The following SACS variants were observed in gnomAD, a reference collection of about 807,000 sequenced individuals.
SACS encodes sacsin.
In SACS, 197 loss-of-function variants were observed where a neutral mutation model predicts 348.0. The observed-to-expected ratio is 0.57, with a 90% CI of 0.50 to 0.64. The LOEUF (loss-of-function observed/expected upper bound fraction) is 0.64, where lower values mean the gene tolerates loss of function less well. Ranked by LOEUF, SACS falls within the 30% of genes least tolerant of loss-of-function variation. SACS has a pLI of 0.00. For missense variants in SACS, 4,999 were observed against 5,360.8 expected (o/e 0.93, Z 2.11); for synonymous variants, 1,985 against 1,910.6 (o/e 1.04, Z -1.02).
intron 2 of SACS, among the ~76,000 whole-genome samples, chr13:23,410,771 T>C (rs1873448273): frequency 6.6e-6 from 1 of 152,154 alleles, no homozygotes; most frequent in Non-Finnish European, 1.5e-5. Flanking sequence ...AGAGCAAGCA[T>C]TATATTTTGT....
chr13:23,399,018 T>TAAAAAAAAAAAA (rs1412543149), intron 2 of SACS, among the ~76,000 whole-genome samples: 2 of 18,950 alleles, frequency 1.1e-4, no homozygotes, highest in Non-Finnish European at 1.8e-4. Context: ...AGACTCCATC[T>TAAAAAAAAAAAA]CAAAAAAAAA....
rs886921776 is a variant in SACS at position 23,335,468 on chromosome 13, G to C, written c.8408C>G (p.Thr2803Ser). The C allele has an allele frequency of 1.1e-5, 17 of 1,613,630 alleles. No individual in the cohort carries two copies. Among genetic ancestry groups the C allele is most frequent in the Non-Finnish European group, 1.4e-5 (16 of 1,179,834 alleles). ...QLKDIPVQQI[T>S]YTMDTEDSEG... ...AGAGTCCTCAGTATCCATAGTATAG[G>C]TTATTTGTTGAACTGGTATGTCTTT... The change falls in exon 10 of 10, where the codon ACC becomes AGC. Residue 2803 changes from threonine to serine, a missense_variant. Thr to Ser is a moderately conservative substitution (Grantham distance 58). Around this residue, in one of 6 missense-constraint regions of SACS, gnomAD observed 3,156 missense variants for 3,380.1 expected, o/e 0.93. Transcript: ENST00000382292. This position sits in a 1 kb window ranked among gnomAD's most constrained non-coding sequence, Gnocchi z 4.7.
intron 1 of SACS, among the ~76,000 whole-genome samples, chr13:23,425,311 G>T (rs1593185357): frequency 6.6e-6 from 1 of 151,666 alleles, no homozygotes; most frequent in African/African-American, 2.4e-5. Context: ...ATGTACCTGG[G>T]ACCTTGTGTC....
chr13:23,356,951 C>T (rs1870429500), intron 7 of SACS, among the ~76,000 whole-genome samples: 1 of 152,198 alleles, frequency 6.6e-6, no homozygotes, highest in South Asian at 2.1e-4. Context: ...ACAGTGGGGT[C>T]TAGGGAATGC....
chr13:23,365,029 A>C, intron 6 of SACS, 137 bp downstream of exon 6: 3 of 603,860 alleles, frequency 5.0e-6, no homozygotes, highest in Non-Finnish European at 8.7e-6. Context: ...AAAGCAGAGA[A>C]AAACATCTGA....
chr13:23,405,798 C>T (rs1873179250), intron 2 of SACS, among the ~76,000 whole-genome samples: 3 of 152,088 alleles, frequency 2.0e-5, no homozygotes. Context: ...AAAAGCTCAT[C>T]ACTAGCCATT....
rs777856457 is a variant in SACS at position 23,341,608 on chromosome 13, A to G, written c.2268T>C (p.Pro756=). 3 of 1,613,912 alleles carry G rather than the reference A, an allele frequency of 1.9e-6. No individual in the cohort carries two copies. Among genetic ancestry groups the G allele is most frequent in the Non-Finnish European group, 2.5e-6 (3 of 1,179,978 alleles). ...LIKEVMNTFW[P]GRELIVQWYP... ...ACCATTGAACAATCAATTCTCTGCC[A>G]GGCCAGAATGTATTCATTACTTCCT... The change falls in exon 10 of 10, where the codon CCT becomes CCC. Residue 756 remains proline, a synonymous_variant. Coordinates refer to ENST00000382292, the MANE Select transcript of SACS (RefSeq NM_014363.6).
At chr13:23,392,743 C>A (rs143662282) in intron 2 of SACS, among the ~76,000 whole-genome samples, 1 of 152,068 alleles carries the variant, frequency 6.6e-6, no homozygotes, top group African/African-American at 2.4e-5. Flanking sequence ...CTAAAGGAGG[C>A]GGAAGGATAT....
At position 23,329,754 on chromosome 13, in the gene SACS, C is replaced by CA. The variant is rs530397223; in HGVS notation, c.*381dup. 83 of 487,948 alleles carry CA rather than the reference C, an allele frequency of 1.7e-4. No individual in the cohort carries two copies. Among genetic ancestry groups the CA allele is most frequent in the African/African-American group, 1.4e-3 (70 of 50,956 alleles). The allele number at this position is 487,948 out of a possible 1,614,324, so 30.2% of individuals were successfully genotyped here. ...CTTATGTTTAAACCAATTATATGTCCAGTGTTTCATTAGCTCCTTCAAAAA... is the reference window on the plus strand; with the variant it reads ...CTTATGTTTAAACCAATTATATGTCCAAGTGTTTCATTAGCTCCTTCAAAAA... On this transcript the variant is annotated 3_prime_UTR_variant, in exon 10 of 10. Transcript: ENST00000382292.
intron 9 of SACS, among the ~76,000 whole-genome samples, chr13:23,352,577 T>C (rs1870032092): frequency 6.6e-6 from 1 of 152,178 alleles, no homozygotes; most frequent in African/African-American, 2.4e-5. Context: ...ATTTATGATA[T>C]GTGCACTGTT....
At position 23,334,282 on chromosome 13, in the gene SACS, A is replaced by G. The variant is rs1384039624; in HGVS notation, c.9594T>C (p.Asn3198=). Residue 3198 remains asparagine (N), a synonymous_variant, in exon 10 of 10, where the codon AAT becomes AAC. Coordinates refer to ENST00000382292, the MANE Select transcript of SACS (RefSeq NM_014363.6). Reference sequence around the variant, plus strand: ...TTGCAACTTTACAGTTCAATAAAATATTACTATATTTCAAATATAATGTAT... The same window carrying G: ...TTGCAACTTTACAGTTCAATAAAATGTTACTATATTTCAAATATAATGTAT... ...FMNTLYLKYS[N]ILLNCKVAKV... The G allele has an allele frequency of 6.2e-7, 1 of 1,602,640 alleles. No homozygotes were observed. The highest frequency in any genetic ancestry group is 1.1e-5 in the South Asian group (1 of 89,712).
intron 7 of SACS, 135 bp downstream of exon 7, chr13:23,358,200 T>C (rs1870512999): frequency 1.1e-6 from 1 of 878,586 alleles, no homozygotes; most frequent in South Asian, 1.5e-5. Flanking sequence ...TTCATTGACA[T>C]ACCTCCTGCT....
Position 23,402,790 on chromosome 13 carries a change from C to G in SACS, c.20+8430G>C, listed in dbSNP as rs945897644. On this transcript the variant is annotated intron_variant, in intron 2 of 9. Coordinates refer to ENST00000382292, the MANE Select transcript of SACS (RefSeq NM_014363.6). ...TGGCAGGCCCAGGAACCTTAGGACC[C>G]AGAAAAGAGGAATTCACCCAAATAT... 6.6e-5 allele frequency among the ~76,000 whole-genome samples: 10 copies of G among 152,242 alleles called. No individual in the cohort carries two copies. The South Asian group carries it at 1.5e-3, about 22-fold the overall frequency.
Position 23,332,637 on chromosome 13 carries a change from T to TA in SACS, c.11238dup (p.Lys3747Ter). The TA allele has an allele frequency of 6.2e-7, 1 of 1,613,664 alleles. No homozygotes were observed. The highest frequency in any genetic ancestry group is 8.5e-7 in the Non-Finnish European group (1 of 1,179,908). On this transcript the variant is annotated frameshift_variant, in exon 10 of 10. Transcript: ENST00000382292. LOFTEE classifies it high-confidence loss of function. ...ATGTTTCTGCAGTTATTGATTACCT[T>TA]ATCAAGAGGAGGATCCAGGTTAACA...
At chr13:23,362,334 T>C (rs191966540) in intron 6 of SACS, among the ~76,000 whole-genome samples, 20 of 152,290 alleles carry the variant, frequency 1.3e-4, no homozygotes, top group African/African-American at 4.6e-4. Context: ...GTGCATGTGA[T>C]TTGACAATCT....
intron 1 of SACS, among the ~76,000 whole-genome samples, chr13:23,422,792 TATAACTGAAAG>T (rs2138000721): frequency 6.6e-6 from 1 of 152,216 alleles, no homozygotes; most frequent in South Asian, 2.1e-4. Flanking sequence ...TGGTGTTTCA[TATAACTGAAAG>T]AAACCTGTGT....
intron 2 of SACS, among the ~76,000 whole-genome samples, chr13:23,381,962 C>T (rs1049578974): frequency 6.6e-6 from 1 of 152,142 alleles, no homozygotes; most frequent in Non-Finnish European, 1.5e-5. Context: ...AAGACTAACA[C>T]CCAATTTATT....
Position 23,371,168 on chromosome 13 carries a change from G to A in SACS, c.172-3C>T. On this transcript the variant is annotated splice_polypyrimidine_tract_variant and splice_region_variant and intron_variant, in intron 3 of 9. Transcript: ENST00000382292. ...CCAATCTTGATCCAGTCAGATAACTGAAAAAAAGCAAAAGAAAATGTATGA... is the reference window on the plus strand; with the variant it reads ...CCAATCTTGATCCAGTCAGATAACTAAAAAAAAGCAAAAGAAAATGTATGA... The A allele has an allele frequency of 1.3e-6, 2 of 1,590,624 alleles. No homozygotes were observed. Among genetic ancestry groups the A allele is most frequent in the East Asian group, 2.2e-5 (1 of 44,568 alleles).
chr13:23,371,037 A>C (rs759370662), intron 4 of SACS, 41 bp downstream of exon 4: 1 of 1,289,928 alleles, frequency 7.8e-7, no homozygotes, highest in Non-Finnish European at 1.1e-6. Flanking sequence ...TCTTTGTGCA[A>C]CCCAACATGG....
Sources: allele counts gnomAD v4.1 joint callset (sites outside exome capture counted in the v4.1 genomes callset), GRCh38; gene constraint gnomAD v4.1.1; regional missense constraint gnomAD v4.1.1; non-coding constraint Gnocchi (gnomAD v3.1); transcripts MANE v1.5; gene names NCBI Gene and HGNC (gene_info 2026-07-23, HGNC 2026-07-21).